Variants in RGS6 observed in about 807,000 individuals in gnomAD.
The protein encoded by RGS6 is regulator of G-protein signaling 6.
A neutral mutation model predicts 78.5 loss-of-function variants in RGS6; 30 were observed. That is an observed-to-expected ratio of 0.38 (90% CI 0.29 to 0.52). The LOEUF (loss-of-function observed/expected upper bound fraction) is 0.52, where lower values mean the gene tolerates loss of function less well. Among genes scored for constraint, RGS6 ranks in the 20% least tolerant of loss-of-function variants. The probability of loss-of-function intolerance (pLI) is 0.85; values close to 1 mark genes in which losing one functional copy is unlikely to be tolerated. For missense variants in RGS6, 495 were observed against 609.7 expected (o/e 0.81, Z 1.98); for synonymous variants, 206 against 206.0 (o/e 1.00, Z 0.00).
chr14:72,486,531 A>C (rs1345487740), intron 12 of RGS6, among the ~76,000 whole-genome samples: 1 of 152,174 alleles, frequency 6.6e-6, no homozygotes, highest in Non-Finnish European at 1.5e-5. Flanking sequence ...CTCACCATCC[A>C]GAATCCCTAT....
intron 3 of RGS6, among the ~76,000 whole-genome samples, chr14:72,359,247 C>T (rs1341858498): frequency 4.6e-5 from 7 of 151,942 alleles, no homozygotes; most frequent in South Asian, 4.2e-4. Context: ...ATATTATTAG[C>T]GGATAGATCA....
the RGS6 span, among the ~76,000 whole-genome samples, chr14:71,902,421 C>G: frequency 6.6e-6 from 1 of 152,042 alleles, no homozygotes; most frequent in African/African-American, 2.4e-5. Flanking sequence ...GGGTAGCAAG[C>G]CTTGTAAAGC....
intron 2 of RGS6, among the ~76,000 whole-genome samples, chr14:72,047,857 C>G (rs1442484349): frequency 1.3e-5 from 2 of 148,736 alleles, no homozygotes; most frequent in African/African-American, 5.0e-5. Flanking sequence ...TCCAGAGTAG[C>G]TGGGATTACA....
At chr14:72,514,512 C>G (rs2096916786) in intron 14 of RGS6, among the ~76,000 whole-genome samples, 1 of 152,208 alleles carries the variant, frequency 6.6e-6, no homozygotes, top group Non-Finnish European at 1.5e-5. Flanking sequence ...GTCCTCCAGC[C>G]CTGTTCTCCA....
chr14:72,310,379 T>C (rs1382020461), intron 2 of RGS6, among the ~76,000 whole-genome samples: 2 of 152,210 alleles, frequency 1.3e-5, no homozygotes, highest in Non-Finnish European at 1.5e-5. Flanking sequence ...TATAAAATAC[T>C]GAGCTTTGTC....
At chr14:72,130,154 T>C (rs981880005) in intron 2 of RGS6, among the ~76,000 whole-genome samples, 20 of 152,212 alleles carry the variant, frequency 1.3e-4, no homozygotes, top group South Asian at 4.1e-4. Context: ...TTACAGTTTA[T>C]TATAAATGAT....
chr14:72,341,558 A>G (rs979490020), intron 2 of RGS6, among the ~76,000 whole-genome samples: 1 of 152,160 alleles, frequency 6.6e-6, no homozygotes, highest in Non-Finnish European at 1.5e-5. Flanking sequence ...TTGTGGGTGG[A>G]TGAAGTCCAT....
chr14:71,977,803 G>A (rs1393580224), intron 2 of RGS6, among the ~76,000 whole-genome samples: 3 of 151,988 alleles, frequency 2.0e-5, no homozygotes, highest in Non-Finnish European at 2.9e-5. Flanking sequence ...TGTGAAGAAA[G>A]GCATTGGTAG....
At position 72,067,171 on chromosome 14, in the gene RGS6, A is replaced by G. The variant is rs574162752; in HGVS notation, c.84+102296A>G. On this transcript the variant is annotated intron_variant, in intron 2 of 17. Coordinates refer to ENST00000553525, the MANE Select transcript of RGS6 (RefSeq NM_001204424.2). The stretch of plus-strand genomic sequence containing the variant: ...GCATGATTTATAATCCTTGGGGTAC[A>G]TAGCCAGTAATGCGTCATTCCCAGC... 5.3e-5 allele frequency among the ~76,000 whole-genome samples: 8 copies of G among 152,308 alleles called. No individual in the cohort carries two copies. The East Asian group carries it at 9.7e-4, about 18-fold the overall frequency.
chr14:72,459,327 A>T (rs1298636367), intron 5 of RGS6, among the ~76,000 whole-genome samples: 2 of 152,244 alleles, frequency 1.3e-5, no homozygotes, highest in African/African-American at 4.8e-5. Flanking sequence ...TTAGGTGCCC[A>T]GTAAGTTATG....
chr14:72,551,620 G>A (rs974459745), intron 17 of RGS6, among the ~76,000 whole-genome samples: 3 of 152,158 alleles, frequency 2.0e-5, no homozygotes, highest in Non-Finnish European at 4.4e-5. Flanking sequence ...AGCTAAGTTC[G>A]AGACAGGCAA....
intron 2 of RGS6, among the ~76,000 whole-genome samples, chr14:72,151,852 T>G (rs977194853): frequency 6.6e-6 from 1 of 152,236 alleles, no homozygotes; most frequent in African/African-American, 2.4e-5. Flanking sequence ...TCATTTAATC[T>G]GTTTTAGGAC....
chr14:72,530,213 C>G (rs1026590873), intron 15 of RGS6, among the ~76,000 whole-genome samples: 1 of 152,142 alleles, frequency 6.6e-6, no homozygotes, highest in Admixed American at 6.5e-5. Flanking sequence ...GAAGTCAGAA[C>G]AAGAAGCAGG....
At chr14:72,001,294 T>C (rs1396401725) in intron 2 of RGS6, among the ~76,000 whole-genome samples, 1 of 152,214 alleles carries the variant, frequency 6.6e-6, no homozygotes, top group Admixed American at 6.5e-5. Flanking sequence ...ATGAAATCAG[T>C]GTGTTGATGA....
chr14:71,891,228 T>C, the RGS6 span, among the ~76,000 whole-genome samples: 1 of 152,212 alleles, frequency 6.6e-6, no homozygotes, highest in South Asian at 2.1e-4. Flanking sequence ...TATAACACAA[T>C]TACCCCAGGG....
the RGS6 span, among the ~76,000 whole-genome samples, chr14:71,917,542 T>C: frequency 6.6e-6 from 1 of 152,218 alleles, no homozygotes; most frequent in Non-Finnish European, 1.5e-5. Context: ...CCCGCGACCT[T>C]GGGAGCTCTC....
intron 3 of RGS6, among the ~76,000 whole-genome samples, chr14:72,413,550 C>A (rs2093587561): frequency 6.6e-6 from 1 of 152,128 alleles, no homozygotes; most frequent in South Asian, 2.1e-4. Context: ...TTAATTGGAG[C>A]ATTTAGCCCA....
At chr14:72,197,640 A>G (rs1237011214) in intron 2 of RGS6, among the ~76,000 whole-genome samples, 2 of 152,246 alleles carry the variant, frequency 1.3e-5, no homozygotes, top group African/African-American at 4.8e-5. Context: ...ATCAGTAATT[A>G]TTTAAAAATC....
chr14:72,593,118 G>A, the RGS6 span, among the ~76,000 whole-genome samples: 2 of 152,138 alleles, frequency 1.3e-5, no homozygotes, highest in African/African-American at 2.4e-5. Context: ...CTGCAGGAGA[G>A]GACAGAAGGA....
Sources: allele counts gnomAD v4.1 joint callset (sites outside exome capture counted in the v4.1 genomes callset), GRCh38; gene constraint gnomAD v4.1.1; transcripts MANE v1.5; gene names NCBI Gene and HGNC (gene_info 2026-07-23, HGNC 2026-07-21).